ABTB3: variants seen among roughly 807,000 people sequenced by gnomAD.
ABTB3 encodes the protein ankyrin repeat and BTB domain containing 3, also known as ankyrin repeat- and BTB/POZ domain-containing protein 3.
chr12:107,383,913 A>T, the ABTB3 span, among the ~76,000 whole-genome samples: 1 of 152,186 alleles, frequency 6.6e-6, no homozygotes, highest in African/African-American at 2.4e-5. Flanking sequence ...GAAAGCTTCC[A>T]GGGAGCTGTG....
the ABTB3 span, among the ~76,000 whole-genome samples, chr12:107,447,609 G>A: frequency 1.3e-5 from 2 of 152,210 alleles, no homozygotes; most frequent in Non-Finnish European, 2.9e-5. Context: ...GATGTTTCAA[G>A]CAGCTTTGCC....
chr12:107,494,127 CGTGG>C, the ABTB3 span, among the ~76,000 whole-genome samples: 1 of 152,084 alleles, frequency 6.6e-6, no homozygotes, highest in Non-Finnish European at 1.5e-5. Context: ...GAGAAAAGAA[CGTGG>C]GTAAGAGCCC....
the ABTB3 span, among the ~76,000 whole-genome samples, chr12:107,430,663 C>T: frequency 2.6e-5 from 4 of 152,150 alleles, no homozygotes; most frequent in Non-Finnish European, 4.4e-5. Context: ...AATGGCGATA[C>T]GTCCCTATTT....
the ABTB3 span, among the ~76,000 whole-genome samples, chr12:107,542,241 G>A: frequency 6.7e-6 from 1 of 149,580 alleles, no homozygotes; most frequent in Non-Finnish European, 1.5e-5. Context: ...GAACCCGGGA[G>A]GCAGGGGTTG....
At chr12:107,597,443 G>A in the ABTB3 span, among the ~76,000 whole-genome samples, 24 of 152,270 alleles carry the variant, frequency 1.6e-4, no homozygotes, top group Admixed American at 3.9e-4. Flanking sequence ...GCAAGTGAGC[G>A]TGCACGATAC....
chr12:107,420,390 G>A, the ABTB3 span, among the ~76,000 whole-genome samples: 56 of 152,306 alleles, frequency 3.7e-4, no homozygotes, highest in African/African-American at 1.3e-3. Context: ...CACAATCATG[G>A]CGTAAGGCAA....
chr12:107,618,148 T>C, the ABTB3 span: 1 of 1,612,966 alleles, frequency 6.2e-7, no homozygotes, highest in East Asian at 2.2e-5. Flanking sequence ...TCTGGGTTTA[T>C]GATTGACAGG....
At chr12:107,493,494 CCT>C in the ABTB3 span, among the ~76,000 whole-genome samples, 1 of 152,158 alleles carries the variant, frequency 6.6e-6, no homozygotes, top group African/African-American at 2.4e-5. Context: ...GAGGCCGGCC[CCT>C]CTTTCACGGG....
the ABTB3 span, among the ~76,000 whole-genome samples, chr12:107,519,786 G>C: frequency 6.6e-6 from 1 of 152,312 alleles, no homozygotes; most frequent in South Asian, 2.1e-4. Flanking sequence ...CTCAACTTAG[G>C]GAGGTTGGGG....
At chr12:107,427,584 G>A in the ABTB3 span, among the ~76,000 whole-genome samples, 1 of 152,082 alleles carries the variant, frequency 6.6e-6, no homozygotes, top group Non-Finnish European at 1.5e-5. Context: ...ATTACCTTGG[G>A]CCTACTCAGA....
chr12:107,557,246 G>A, the ABTB3 span, among the ~76,000 whole-genome samples: 2 of 152,198 alleles, frequency 1.3e-5, no homozygotes, highest in African/African-American at 2.4e-5. Context: ...CTACATGGTA[G>A]AGCCTGTGGC....
chr12:107,636,163 G>A, the ABTB3 span, among the ~76,000 whole-genome samples: 2 of 152,076 alleles, frequency 1.3e-5, no homozygotes, highest in Non-Finnish European at 2.9e-5. Context: ...TAATTTTGTC[G>A]TTCTGCAGTC....
the ABTB3 span, among the ~76,000 whole-genome samples, chr12:107,437,697 C>T: frequency 2.6e-5 from 4 of 152,140 alleles, no homozygotes; most frequent in African/African-American, 4.8e-5. Context: ...CCACCACACC[C>T]GGCCGGAGCC....
the ABTB3 span, among the ~76,000 whole-genome samples, chr12:107,444,891 G>A: frequency 6.6e-6 from 1 of 152,168 alleles, no homozygotes; most frequent in African/African-American, 2.4e-5. Flanking sequence ...TCAGAGGCTG[G>A]GAGGGTAGGG....
At chr12:107,470,704 G>A in the ABTB3 span, among the ~76,000 whole-genome samples, 1 of 152,222 alleles carries the variant, frequency 6.6e-6, no homozygotes, top group Non-Finnish European at 1.5e-5. Context: ...AACCGACCCT[G>A]GCCTGGTGGC....
At chr12:107,483,404 C>G in the ABTB3 span, among the ~76,000 whole-genome samples, 1 of 152,096 alleles carries the variant, frequency 6.6e-6, no homozygotes, top group Non-Finnish European at 1.5e-5. Context: ...GTGGGTCCCA[C>G]CAGCATGATT....
At chr12:107,450,780 G>T in the ABTB3 span, among the ~76,000 whole-genome samples, 1 of 152,158 alleles carries the variant, frequency 6.6e-6, no homozygotes, top group East Asian at 1.9e-4. Context: ...CCCTGCTTTG[G>T]GAGAGGTGGA....
chr12:107,581,029 G>A, the ABTB3 span: 1 of 1,551,824 alleles, frequency 6.4e-7, no homozygotes, highest in Non-Finnish European at 8.7e-7. Flanking sequence ...AGGGAAAGCG[G>A]GGTGTGGGCT....
At chr12:107,580,702 T>G in the ABTB3 span, 1 of 866,080 alleles carries the variant, frequency 1.2e-6, no homozygotes. Context: ...AAGGGAGTGC[T>G]AGCGGACACC....
Sources: gnomAD v4.1 joint callset for allele counts (sites outside exome capture counted in the v4.1 genomes callset) on GRCh38, gnomAD v4.1.1 for gene constraint, MANE v1.5 for transcripts, NCBI Gene and HGNC (gene_info 2026-07-23, HGNC 2026-07-21) for gene names.